Variants in ARHGEF10L observed in about 807,000 individuals in gnomAD.
ARHGEF10L encodes rho guanine nucleotide exchange factor 10-like protein.
In ARHGEF10L, 69 loss-of-function variants were observed where a neutral mutation model predicts 141.2. The ratio of observed to expected loss-of-function variants is 0.49; its 90% CI spans 0.40 to 0.60. ARHGEF10L has a LOEUF of 0.60. ARHGEF10L is among the 20% of genes least tolerant of loss of function. The probability of loss-of-function intolerance (pLI) is 0.00; values close to 1 mark genes in which losing one functional copy is unlikely to be tolerated. For missense variants in ARHGEF10L, 1,482 were observed against 1,734.3 expected (o/e 0.85, Z 2.58); for synonymous variants, 711 against 718.5 (o/e 0.99, Z 0.17).
intron 18 of ARHGEF10L, 127 bp downstream of exon 18, chr1:17,635,143 A>C: frequency 1.7e-6 from 2 of 1,199,978 alleles, no homozygotes; most frequent in Non-Finnish European, 2.3e-6. Context: ...TGGCTTGGCC[A>C]GGAAGCTCTT....
chr1:17,613,095 C>G lies in ARHGEF10L; in HGVS notation c.647C>G (p.Ala216Gly). Residue 216 changes from alanine (A) to glycine (G), a missense_variant, in exon 8 of 29, where the codon GCC becomes GGC. Coordinates refer to ENST00000361221, the MANE Select transcript of ARHGEF10L (RefSeq NM_018125.4). ...CTGACTAGGCTAAAGGAGAGATACG[C>G]CAGGACTAAGAGAGACATCTTGGCT... ...PDLTRLKERY[A>G]RTKRDILALR... 2 of 1,614,052 alleles carry G rather than the reference C, an allele frequency of 1.2e-6. No homozygotes were observed. The highest frequency in any genetic ancestry group is 1.7e-6 in the Non-Finnish European group (2 of 1,179,974).
rs967142785 is a variant in ARHGEF10L, at chr1:17,625,014, G to A, written c.1317+511G>A. 6.6e-6 allele frequency among the ~76,000 whole-genome samples: 1 copy of A among 152,112 alleles called. No homozygotes were observed. Among genetic ancestry groups the A allele is most frequent in the Non-Finnish European group, 1.5e-5 (1 of 68,026 alleles). On this transcript the variant is annotated intron_variant, in intron 13 of 28. Coordinates refer to ENST00000361221, the MANE Select transcript of ARHGEF10L (RefSeq NM_018125.4). This position sits in a 1 kb window ranked among gnomAD's most constrained non-coding sequence, Gnocchi z 4.5. ...TGTAGTCTGGTGAGTCAGAGCCCCT[G>A]CCTGTAGGGAGCCTGCTGGCTGGCA...
At position 17,580,555 on chromosome 1, in the gene ARHGEF10L, G is replaced by T; in HGVS notation, c.-41G>T. 6.2e-7 allele frequency: 1 copy of T among 1,614,000 alleles called. No homozygotes were observed. Among genetic ancestry groups the T allele is most frequent in the Non-Finnish European group, 8.5e-7 (1 of 1,179,840 alleles). On this transcript the variant is annotated splice_region_variant and 5_prime_UTR_variant, in exon 2 of 29. Transcript: ENST00000361221. ...GATTTCTGGTCTTCTTTCCACAGGT[G>T]TGTAGCTGGGACGGTGCTGGTCTGA...
In ARHGEF10L at chr1:17,634,841, G is replaced by T; in HGVS notation, c.1752G>T (p.Gln584His). ...INFKPANHRG[Q>H]LEISSLVPLG... is the part of the protein sequence containing the mutation. ...GTCCTCTCTGTTCCAACAGGGGCCAGCTGGAGATCAGCAGCCTGGTGCCCC... is the reference window on the plus strand; with the variant it reads ...GTCCTCTCTGTTCCAACAGGGGCCATCTGGAGATCAGCAGCCTGGTGCCCC... The change falls in exon 18 of 29, where the codon CAG becomes CAT. Residue 584 changes from glutamine to histidine, a missense_variant. By Grantham distance (24) the Gln-to-His change is conservative. Transcript: ENST00000361221. 6.2e-7 allele frequency: 1 copy of T among 1,612,958 alleles called. No homozygotes were observed. Among genetic ancestry groups the T allele is most frequent in the Non-Finnish European group, 8.5e-7 (1 of 1,179,468 alleles).
At chr1:17,680,662 G>A (rs987745220) in intron 26 of ARHGEF10L, among the ~76,000 whole-genome samples, 1 of 151,830 alleles carries the variant, frequency 6.6e-6, no homozygotes, top group Non-Finnish European at 1.5e-5. Context: ...GTGTACAGAT[G>A]ACAGAGGAGA....
chr1:17,648,432 T>G, intron 21 of ARHGEF10L, 122 bp from the exon 22 acceptor site: 1 of 1,260,818 alleles, frequency 7.9e-7, no homozygotes, highest in Non-Finnish European at 1.1e-6. Context: ...GGGTGGGGAG[T>G]GACTGGATGG....
chr1:17,593,318 A>G (rs1378616884), intron 4 of ARHGEF10L, among the ~76,000 whole-genome samples: 1 of 152,184 alleles, frequency 6.6e-6, no homozygotes. Flanking sequence ...GGGAGGCAGA[A>G]TCATGGCCCT....
intron 4 of ARHGEF10L, among the ~76,000 whole-genome samples, chr1:17,591,555 T>C (rs1358845354): frequency 2.0e-5 from 3 of 151,920 alleles, no homozygotes. Flanking sequence ...GGATTACAGG[T>C]GTGTGCCACC....
chr1:17,523,425 G>A, the ARHGEF10L span, among the ~76,000 whole-genome samples: 333 of 152,148 alleles, frequency 2.2e-3, no homozygotes, highest in African/African-American at 6.9e-3. Context: ...GGCACCCACC[G>A]TATACCAAGC....
At chr1:17,687,034 C>A (rs546163515) in intron 26 of ARHGEF10L, among the ~76,000 whole-genome samples, 1 of 152,208 alleles carries the variant, frequency 6.6e-6, no homozygotes, top group East Asian at 1.9e-4. Flanking sequence ...TGGGACATCA[C>A]CTGTTGTCTC....
chr1:17,635,052 C>T, intron 18 of ARHGEF10L, 36 bp downstream of exon 18: 1 of 1,609,826 alleles, frequency 6.2e-7, no homozygotes, highest in Middle Eastern at 1.7e-4. Flanking sequence ...CGTTCGTCAC[C>T]CTCGCCCTCA....
chr1:17,585,510 A>C (rs530222784), intron 2 of ARHGEF10L, among the ~76,000 whole-genome samples: 1 of 152,194 alleles, frequency 6.6e-6, no homozygotes, highest in South Asian at 2.1e-4. Context: ...GGCCTGTGGG[A>C]TCCCCAAAGC....
chr1:17,603,628 G>A lies in ARHGEF10L; in HGVS notation c.433+37G>A. 1.9e-6 allele frequency: 3 copies of A among 1,548,196 alleles called. No homozygotes were observed. The highest frequency in any genetic ancestry group is 2.6e-6 in the Non-Finnish European group (3 of 1,138,074). On this transcript the variant is annotated intron_variant, in intron 6 of 28. Coordinates refer to ENST00000361221, the MANE Select transcript of ARHGEF10L (RefSeq NM_018125.4). The surrounding 1 kb of genome is among the most constrained non-coding windows in gnomAD (Gnocchi z 4.8). Reference sequence around the variant, plus strand: ...GCAGTGCTTCCCTGTTTCTCTTGGGGACAGGGGAGGGAGGCTGGGACTGGG... The same window carrying A: ...GCAGTGCTTCCCTGTTTCTCTTGGGAACAGGGGAGGGAGGCTGGGACTGGG...
intron 6 of ARHGEF10L, among the ~76,000 whole-genome samples, chr1:17,606,056 G>T (rs752595038): frequency 1.3e-5 from 2 of 152,074 alleles, no homozygotes; most frequent in African/African-American, 4.8e-5. Flanking sequence ...TGAAGCTGGG[G>T]GGCCCTGGGT....
At chr1:17,562,932 C>T (rs1014878041) in intron 1 of ARHGEF10L, among the ~76,000 whole-genome samples, 1 of 152,144 alleles carries the variant, frequency 6.6e-6, no homozygotes, top group Non-Finnish European at 1.5e-5. Flanking sequence ...AGCAGGCGGC[C>T]ATGGGACCAT....
Position 17,654,731 on chromosome 1 carries a change from C to A in ARHGEF10L, c.2481+9C>A, listed in dbSNP as rs781697942. On this transcript the variant is annotated intron_variant, in intron 23 of 28. Coordinates refer to ENST00000361221, the MANE Select transcript of ARHGEF10L (RefSeq NM_018125.4). The surrounding 1 kb of genome is among the most constrained non-coding windows in gnomAD (Gnocchi z 4.3). ...CACAGGGCTACCTCTGGGTGAGTCA[C>A]CCCCCTGCCCAGCTGGGCATTCTGG... The A allele has an allele frequency of 4.3e-6, 7 of 1,611,572 alleles. No individual in the cohort carries two copies. The highest frequency in any genetic ancestry group is 5.9e-6 in the Non-Finnish European group (7 of 1,178,268).
chr1:17,538,347 G>T (rs78859710), upstream of ARHGEF10L, among the ~76,000 whole-genome samples: 4,757 of 152,250 alleles, frequency 0.031, 248 homozygotes, highest in African/African-American at 0.11. Flanking sequence ...GTGTTCACTG[G>T]TGTCTCCTGC....
At chr1:17,638,749 G>C in intron 20 of ARHGEF10L, 60 bp downstream of exon 20, 1 of 1,605,096 alleles carries the variant, frequency 6.2e-7, no homozygotes. Context: ...CAGTGGAGCA[G>C]GGGATCCGGA....
intron 1 of ARHGEF10L, among the ~76,000 whole-genome samples, chr1:17,546,208 C>T (rs1264134457): frequency 6.6e-6 from 1 of 152,148 alleles, no homozygotes; most frequent in Non-Finnish European, 1.5e-5. Flanking sequence ...GCTGGTCTTC[C>T]AGCCCCTGCA....
Sources: gnomAD v4.1 joint callset for allele counts (sites outside exome capture counted in the v4.1 genomes callset) on GRCh38, gnomAD v4.1.1 for gene constraint, Gnocchi (gnomAD v3.1) non-coding constraint, MANE v1.5 for transcripts, NCBI Gene and HGNC (gene_info 2026-07-23, HGNC 2026-07-21) for gene names.